PAX5: variants seen among roughly 807,000 people sequenced by gnomAD.
The protein encoded by PAX5 is paired box protein Pax-5.
A neutral mutation model predicts 43.7 loss-of-function variants in PAX5; 9 were observed. That is an observed-to-expected ratio of 0.21 (90% CI 0.12 to 0.36). The LOEUF (loss-of-function observed/expected upper bound fraction) is 0.36, where lower values mean the gene tolerates loss of function less well. Among genes scored for constraint, PAX5 ranks in the 10% least tolerant of loss-of-function variants. The pLI, the probability that PAX5 is intolerant of heterozygous loss-of-function variation, is 1.00. For synonymous variants in PAX5, 228 were observed against 214.3 expected, an observed-to-expected ratio of 1.06 and a Z score of -0.56; for missense variants, 383 against 532.7, an observed-to-expected ratio of 0.72 and a Z score of 2.77.
chr9:37,024,872 A>T (rs1241209114), intron 1 of PAX5, among the ~76,000 whole-genome samples: 1 of 152,094 alleles, frequency 6.6e-6, no homozygotes, highest in Non-Finnish European at 1.5e-5. Flanking sequence ...GGAAGGACAC[A>T]GTGAGGGCCT....
intron 6 of PAX5, among the ~76,000 whole-genome samples, chr9:36,960,421 T>C (rs1365646560): frequency 1.3e-5 from 2 of 151,928 alleles, no homozygotes; most frequent in Admixed American, 6.5e-5. Flanking sequence ...AGGTCAGGCC[T>C]GGCCACAGCC....
At position 36,837,254 on chromosome 9, in the gene PAX5, C is replaced by A. The variant is rs1821708655; in HGVS notation, c.*3306G>T. The stretch of plus-strand genomic sequence containing the variant: ...CCGTCTATAAAGTAGGCATCATGCT[C>A]TTTGCTCCACAGAGTGGTTGAGGAT... On this transcript the variant is annotated 3_prime_UTR_variant, in exon 10 of 10. Transcript: ENST00000358127. 4.3e-6 allele frequency: 1 copy of A among 233,128 alleles called. No individual in the cohort carries two copies. Among genetic ancestry groups the A allele is most frequent in the Admixed American group, 5.6e-5 (1 of 17,784 alleles). The allele number at this position is 233,128 out of a possible 1,614,324, so 14.4% of individuals were successfully genotyped here.
At chr9:36,872,389 A>G (rs1005944099) in intron 8 of PAX5, among the ~76,000 whole-genome samples, 1 of 152,190 alleles carries the variant, frequency 6.6e-6, no homozygotes, top group African/African-American at 2.4e-5. Flanking sequence ...AGGGATAAAC[A>G]TCACTGACTT....
intron 8 of PAX5, among the ~76,000 whole-genome samples, chr9:36,865,713 C>G (rs953914690): frequency 3.3e-5 from 5 of 152,190 alleles, no homozygotes; most frequent in Non-Finnish European, 7.3e-5. Flanking sequence ...GTAACCCCTC[C>G]CAGTATTTAT....
chr9:36,877,822 A>G (rs1045060751), intron 8 of PAX5, among the ~76,000 whole-genome samples: 1 of 152,204 alleles, frequency 6.6e-6, no homozygotes, highest in African/African-American at 2.4e-5. Flanking sequence ...TGAAAGGAAA[A>G]AAGGGGTCTT....
At chr9:36,976,055 T>A (rs116196328) in intron 5 of PAX5, among the ~76,000 whole-genome samples, 1,718 of 152,276 alleles carry the variant, frequency 0.011, 24 homozygotes, top group African/African-American at 0.039. Context: ...GTGGCTTCTA[T>A]TATATCAGTG....
chr9:36,919,293 A>T (rs1202574956), intron 7 of PAX5, among the ~76,000 whole-genome samples: 2 of 152,170 alleles, frequency 1.3e-5, no homozygotes, highest in Non-Finnish European at 2.9e-5. Flanking sequence ...ATTACTGCTT[A>T]TTGACAATGC....
intron 7 of PAX5, among the ~76,000 whole-genome samples, chr9:36,895,562 G>C (rs1158570016): frequency 6.6e-6 from 1 of 152,184 alleles, no homozygotes; most frequent in South Asian, 2.1e-4. Flanking sequence ...TCCTTAGACT[G>C]CTTAAAAGGA....
intron 5 of PAX5, among the ~76,000 whole-genome samples, chr9:36,993,364 A>C (rs2132338439): frequency 6.6e-6 from 1 of 152,354 alleles, no homozygotes; most frequent in South Asian, 2.1e-4. Context: ...AGCTCCTTGA[A>C]GTCCTTGATA....
At chr9:36,924,010 G>A (rs1358558861) in intron 6 of PAX5, among the ~76,000 whole-genome samples, 2 of 152,172 alleles carry the variant, frequency 1.3e-5, no homozygotes, top group Non-Finnish European at 2.9e-5. Flanking sequence ...AAGGGGAGGA[G>A]GGCTTTACCC....
intron 3 of PAX5, among the ~76,000 whole-genome samples, chr9:37,013,561 T>G (rs1191517769): frequency 2.6e-5 from 4 of 152,140 alleles, no homozygotes; most frequent in African/African-American, 4.8e-5. Context: ...AGTAAGGGGC[T>G]CATAAAACAC....
chr9:36,863,972 G>T (rs1255842261), intron 8 of PAX5, among the ~76,000 whole-genome samples: 1 of 152,222 alleles, frequency 6.6e-6, no homozygotes, highest in Non-Finnish European at 1.5e-5. Context: ...AGCTGGGCAT[G>T]GTGGCATGTG....
chr9:37,000,732 C>G (rs186361132), intron 5 of PAX5, among the ~76,000 whole-genome samples: 1 of 152,218 alleles, frequency 6.6e-6, no homozygotes, highest in Non-Finnish European at 1.5e-5. Context: ...CATTACCTCC[C>G]GAGGCATCTC....
intron 6 of PAX5, among the ~76,000 whole-genome samples, chr9:36,960,337 G>T (rs1163054754): frequency 6.6e-6 from 1 of 152,216 alleles, no homozygotes; most frequent in Non-Finnish European, 1.5e-5. Flanking sequence ...GCACACGCCA[G>T]CCCTGGGAGA....
At chr9:36,929,699 T>C (rs1368949495) in intron 6 of PAX5, among the ~76,000 whole-genome samples, 4 of 152,218 alleles carry the variant, frequency 2.6e-5, no homozygotes, top group African/African-American at 9.6e-5. Flanking sequence ...AATGCAACCA[T>C]TGGGATAAAA....
At chr9:36,843,106 G>A (rs1822229599) in intron 9 of PAX5, among the ~76,000 whole-genome samples, 1 of 151,870 alleles carries the variant, frequency 6.6e-6, no homozygotes, top group Admixed American at 6.6e-5. Context: ...GTGTGTGTGT[G>A]AGTGTATGAG....
At chr9:37,003,296 C>T (rs1269778831) in intron 4 of PAX5, among the ~76,000 whole-genome samples, 3 of 152,040 alleles carry the variant, frequency 2.0e-5, no homozygotes, top group Non-Finnish European at 2.9e-5. Context: ...CTCCAAACCG[C>T]AGAGTGCCCC....
Position 36,840,118 on chromosome 9 carries a change from T to C in PAX5, c.*442A>G, listed in dbSNP as rs1367518965. ...CCAAGAGTGCGAGATGCATCATGGG[T>C]GGAGCAGTCTTCTCAGTCGGACCTT... On this transcript the variant is annotated 3_prime_UTR_variant, in exon 10 of 10. Coordinates refer to ENST00000358127, the MANE Select transcript of PAX5 (RefSeq NM_016734.3). 5.5e-6 allele frequency: 2 copies of C among 364,146 alleles called. No homozygotes were observed. Among genetic ancestry groups the C allele is most frequent in the Non-Finnish European group, 1.0e-5 (2 of 196,462 alleles). 22.6% of individuals were successfully genotyped at this position (364,146 alleles called of 1,614,324 possible).
chr9:36,840,393 C>T lies in PAX5; in HGVS notation c.*167G>A. Reference sequence around the variant, plus strand: ...GCATCCAGAAGTCCAACGGCCCCACCAAAGGGCCCCAGAGTCCCTGGAGGA... The same window carrying T: ...GCATCCAGAAGTCCAACGGCCCCACTAAAGGGCCCCAGAGTCCCTGGAGGA... On this transcript the variant is annotated 3_prime_UTR_variant, in exon 10 of 10. Transcript: ENST00000358127. 1 of 702,890 alleles carries T rather than the reference C, an allele frequency of 1.4e-6. No individual in the cohort carries two copies. Among genetic ancestry groups the T allele is most frequent in the East Asian group, 2.7e-5 (1 of 37,114 alleles). The allele number at this position is 702,890 out of a possible 1,614,324, so 43.5% of individuals were successfully genotyped here.
Sources: gnomAD v4.1 joint callset for allele counts (sites outside exome capture counted in the v4.1 genomes callset) on GRCh38, gnomAD v4.1.1 for gene constraint, MANE v1.5 for transcripts, NCBI Gene and HGNC (gene_info 2026-07-23, HGNC 2026-07-21) for gene names.